Variants in PCDHGB4 observed in about 807,000 individuals in gnomAD.
PCDHGB4 encodes protocadherin gamma-B4.
A neutral mutation model predicts 60.5 loss-of-function variants in PCDHGB4; 38 were observed. The ratio of observed to expected loss-of-function variants is 0.63; its 90% CI spans 0.48 to 0.82. The LOEUF is 0.82. Among genes scored for constraint, PCDHGB4 ranks in the 40% least tolerant of loss-of-function variants. The pLI, the probability that PCDHGB4 is intolerant of heterozygous loss-of-function variation, is 0.00. For synonymous variants in PCDHGB4, 456 were observed against 509.7 expected, an observed-to-expected ratio of 0.89 and a Z score of 1.42; for missense variants, 1,109 against 1,209.6, an observed-to-expected ratio of 0.92 and a Z score of 1.23.
chr5:141,433,050 G>A, intron 1 of PCDHGB4: 2 of 1,614,142 alleles, frequency 1.2e-6, no homozygotes, highest in Non-Finnish European at 1.7e-6. Context: ...ACGGACTCGC[G>A]GAAGAGTCAC....
At position 141,431,421 on chromosome 5, in the gene PCDHGB4, T is replaced by A. The variant is rs2097372202; in HGVS notation, c.2397+41140T>A. On this transcript the variant is annotated intron_variant, in intron 1 of 3. Transcript: ENST00000519479. The surrounding 1 kb of genome is among the most constrained non-coding windows in gnomAD (Gnocchi z 4.8). The stretch of plus-strand genomic sequence containing the variant: ...ACGGCCTCCGACGGGGGCGACCCGG[T>A]GCGCACAGGCACCGCGCGCATCCGC... 1 of 1,613,580 alleles carries A rather than the reference T, an allele frequency of 6.2e-7. No individual in the cohort carries two copies. The highest frequency in any genetic ancestry group is 1.1e-5 in the South Asian group (1 of 91,082).
At position 141,489,384 on chromosome 5, in the gene PCDHGB4, T is replaced by G; in HGVS notation, c.2398-5423T>G. The G allele has an allele frequency of 6.2e-7, 1 of 1,613,986 alleles. No individual in the cohort carries two copies. The highest frequency in any genetic ancestry group is 1.3e-5 in the African/African-American group (1 of 75,042). On this transcript the variant is annotated intron_variant, in intron 1 of 3. Transcript: ENST00000519479. This position sits in a 1 kb window ranked among gnomAD's most constrained non-coding sequence, Gnocchi z 4.5. ...AGCCGGGGACGCTGGTGGGGAATGT[T>G]GCTCAGGATCTGGGCTTAAAGATGA...
At position 141,388,639 on chromosome 5, in the gene PCDHGB4, C is replaced by T. The variant is rs2091432130; in HGVS notation, c.755C>T (p.Ser252Leu). Residue 252 changes from serine (S) to leucine (L), a missense_variant, in exon 1 of 4, where the codon TCA becomes TTA. Transcript: ENST00000519479. ...CAAGACGTATACAGGGTGAGCCTTT[C>T]AGAAAACGTGTACCCGGGGACCACG... ...FSQDVYRVSL[S>L]ENVYPGTTVL... 6.2e-7 allele frequency: 1 copy of T among 1,613,944 alleles called. No individual in the cohort carries two copies. Among genetic ancestry groups the T allele is most frequent in the Non-Finnish European group, 8.5e-7 (1 of 1,179,870 alleles).
chr5:141,495,108 C>G (rs1304714928), intron 2 of PCDHGB4, among the ~76,000 whole-genome samples: 1 of 152,176 alleles, frequency 6.6e-6, no homozygotes, highest in Admixed American at 6.5e-5. Context: ...ACGACCGGCA[C>G]CTTTTCCTAT....
At chr5:141,394,648 G>T (rs1294007915) in intron 1 of PCDHGB4, 1 of 1,613,404 alleles carries the variant, frequency 6.2e-7, no homozygotes, top group East Asian at 2.2e-5. Flanking sequence ...CTCAAGGCCA[G>T]CGAGCCGGGA....
chr5:141,454,857 G>C (rs1365819097), intron 1 of PCDHGB4, among the ~76,000 whole-genome samples: 2 of 131,566 alleles, frequency 1.5e-5, no homozygotes, highest in African/African-American at 6.0e-5. Context: ...ACCCAGGCTG[G>C]AGTGCAGTGG....
At chr5:141,393,203 C>A in intron 1 of PCDHGB4, 1 of 1,613,514 alleles carries the variant, frequency 6.2e-7, no homozygotes, top group South Asian at 1.1e-5. Context: ...ACGATAATAA[C>A]CCAAAATTCC....
chr5:141,472,980 CAA>C (rs60579131), intron 1 of PCDHGB4, among the ~76,000 whole-genome samples: 879 of 86,072 alleles, frequency 0.01, 5 homozygotes, highest in African/African-American at 0.015. Context: ...GAGTGAAACT[CAA>C]AAAAAAAAAA....
intron 1 of PCDHGB4, chr5:141,410,517 C>T: frequency 6.2e-7 from 1 of 1,613,926 alleles, no homozygotes; most frequent in Non-Finnish European, 8.5e-7. Flanking sequence ...TGCAGTGTGC[C>T]CCTACATTCC....
At chr5:141,394,851 C>T in intron 1 of PCDHGB4, 1 of 1,613,824 alleles carries the variant, frequency 6.2e-7, no homozygotes, top group Non-Finnish European at 8.5e-7. Context: ...CAGTCTGAAG[C>T]CTTCGGTCGA....
chr5:141,418,821 C>G (rs750200042), intron 1 of PCDHGB4: 1 of 1,613,846 alleles, frequency 6.2e-7, no homozygotes, highest in Non-Finnish European at 8.5e-7. Flanking sequence ...AACATAGAAG[C>G]AAAAGACCGA....
At chr5:141,447,209 G>A (rs1004956165) in intron 1 of PCDHGB4, among the ~76,000 whole-genome samples, 3 of 151,850 alleles carry the variant, frequency 2.0e-5, no homozygotes, top group East Asian at 3.9e-4. Context: ...GCTTGATCTC[G>A]GCTCACTGCA....
intron 1 of PCDHGB4, chr5:141,393,452 G>A (rs189963623): frequency 6.2e-7 from 1 of 1,614,030 alleles, no homozygotes; most frequent in Non-Finnish European, 8.5e-7. Context: ...TGGTCCTCAC[G>A]GCCTCGGATG....
intron 1 of PCDHGB4, among the ~76,000 whole-genome samples, chr5:141,429,780 A>G (rs1301908729): frequency 1.3e-5 from 2 of 152,222 alleles, no homozygotes; most frequent in Non-Finnish European, 2.9e-5. Flanking sequence ...ATGGGCTTCC[A>G]AAAGTATTAC....
intron 1 of PCDHGB4, among the ~76,000 whole-genome samples, chr5:141,479,138 T>G (rs1469363480): frequency 6.6e-6 from 1 of 152,232 alleles, no homozygotes; most frequent in Non-Finnish European, 1.5e-5. Flanking sequence ...GCACCCTGCT[T>G]ACAAAATATT....
chr5:141,498,786 A>T (rs2099785591), intron 2 of PCDHGB4, among the ~76,000 whole-genome samples: 1 of 152,050 alleles, frequency 6.6e-6, no homozygotes, highest in East Asian at 1.9e-4. Context: ...ACAAAATATT[A>T]GCCAGGTGTG....
chr5:141,435,296 T>A (rs545583818), intron 1 of PCDHGB4, among the ~76,000 whole-genome samples: 44 of 152,328 alleles, frequency 2.9e-4, no homozygotes, highest in African/African-American at 9.9e-4. Context: ...AGTCATTTCA[T>A]GGTTTTAAAT....
intron 1 of PCDHGB4, among the ~76,000 whole-genome samples, chr5:141,456,537 G>A (rs1411788378): frequency 1.3e-5 from 2 of 152,178 alleles, no homozygotes; most frequent in African/African-American, 4.8e-5. Flanking sequence ...ATTAAAGAGG[G>A]ATTGTAGCCA....
At chr5:141,475,071 C>T (rs1198043142) in intron 1 of PCDHGB4, among the ~76,000 whole-genome samples, 2 of 152,198 alleles carry the variant, frequency 1.3e-5, no homozygotes, top group Non-Finnish European at 2.9e-5. Context: ...AGCTTTGCTG[C>T]CATTATTTCA....
Sources: allele counts gnomAD v4.1 joint callset (sites outside exome capture counted in the v4.1 genomes callset), GRCh38; gene constraint gnomAD v4.1.1; non-coding constraint Gnocchi (gnomAD v3.1); transcripts MANE v1.5; gene names NCBI Gene and HGNC (gene_info 2026-07-23, HGNC 2026-07-21).